Variants in COL24A1 observed in about 807,000 individuals in gnomAD.
COL24A1 encodes collagen type XXIV alpha 1 chain.
In COL24A1, 224 loss-of-function variants were observed where a neutral mutation model predicts 253.9. The observed-to-expected ratio is 0.88, with a 90% CI of 0.79 to 0.99. The LOEUF is 0.99. COL24A1 is among the 50% of genes least tolerant of loss of function. The probability of loss-of-function intolerance (pLI) is 0.00; values close to 1 mark genes in which losing one functional copy is unlikely to be tolerated. For missense variants in COL24A1, 2,131 were observed against 2,068.5 expected, an observed-to-expected ratio of 1.03 and a Z score of -0.59; for synonymous variants, 685 against 673.7, an observed-to-expected ratio of 1.02 and a Z score of -0.26.
chr1:86,083,646 A>T (rs1293468810), intron 7 of COL24A1, among the ~76,000 whole-genome samples: 2 of 152,154 alleles, frequency 1.3e-5, no homozygotes, highest in East Asian at 3.9e-4. Flanking sequence ...TAACAGGTTA[A>T]CTAGTTCTAC....
At chr1:86,009,259 G>A (rs192606882) in intron 19 of COL24A1, among the ~76,000 whole-genome samples, 52 of 152,246 alleles carry the variant, frequency 3.4e-4, no homozygotes, top group African/African-American at 1.2e-3. Flanking sequence ...TGCATGAACA[G>A]ACAACCACTC....
At chr1:86,081,600 C>T (rs771028094) in intron 7 of COL24A1, among the ~76,000 whole-genome samples, 7 of 152,226 alleles carry the variant, frequency 4.6e-5, no homozygotes, top group East Asian at 3.9e-4. Flanking sequence ...AAGGAAGCAA[C>T]GCAACTTTAC....
chr1:86,090,378 A>C (rs1478909566), intron 6 of COL24A1, among the ~76,000 whole-genome samples: 2 of 152,148 alleles, frequency 1.3e-5, no homozygotes, highest in African/African-American at 4.8e-5. Context: ...TACACCATTT[A>C]AAAACGATCT....
In COL24A1 at chr1:85,745,603, T is replaced by C. The variant is rs190294223; in HGVS notation, c.4438-97A>G. On this transcript the variant is annotated intron_variant, in intron 55 of 59. Coordinates refer to ENST00000370571, the MANE Select transcript of COL24A1 (RefSeq NM_152890.7). The stretch of plus-strand genomic sequence containing the variant: ...TTCTGAAAGCACTGCTGTTAAAGTA[T>C]ACCAGACTTATTATCTGAAGGGGTT... The C allele has an allele frequency of 8.4e-5, 68 of 808,066 alleles. No homozygotes were observed. In the East Asian group the frequency reaches 1.9e-3, roughly 22 times the overall value. 50.1% of individuals were successfully genotyped at this position (808,066 alleles called of 1,614,324 possible). A position where few individuals can be genotyped will look rare whatever the true frequency, so the allele number is the denominator to read the frequency against.
Position 85,945,000 on chromosome 1 carries a change from G to GC in COL24A1, c.2562+16248_2562+16249insG, listed in dbSNP as rs1689125102. 1.7e-4 allele frequency among the ~76,000 whole-genome samples: 6 copies of GC among 36,124 alleles called. 1 individual carries two copies. The highest frequency in any genetic ancestry group is 3.1e-4 in the Non-Finnish European group (6 of 19,652). 23.7% of individuals were successfully genotyped at this position (36,124 alleles called of 152,430 possible). A position where few individuals can be genotyped will look rare whatever the true frequency, so the allele number is the denominator to read the frequency against. On this transcript the variant is annotated intron_variant, in intron 24 of 59. Coordinates refer to ENST00000370571, the MANE Select transcript of COL24A1 (RefSeq NM_152890.7). The stretch of plus-strand genomic sequence containing the variant: ...CATTTTCTTAATCCAGTCTATCATT[G>GC]TGTTTTTTTTTTTTTTTTTTTTTTT...
At chr1:85,767,934 G>T (rs1340229561) in intron 53 of COL24A1, among the ~76,000 whole-genome samples, 1 of 152,154 alleles carries the variant, frequency 6.6e-6, no homozygotes, top group Non-Finnish European at 1.5e-5. Context: ...ACCACACAAA[G>T]TTCCCTACTC....
intron 2 of COL24A1, among the ~76,000 whole-genome samples, chr1:86,135,437 T>C (rs1275478666): frequency 2.6e-5 from 4 of 151,906 alleles, no homozygotes; most frequent in African/African-American, 7.2e-5. Flanking sequence ...GATTTTCTTC[T>C]TTAAAAATTC....
intron 4 of COL24A1, among the ~76,000 whole-genome samples, chr1:86,113,054 G>A (rs975141836): frequency 2.0e-5 from 3 of 152,120 alleles, no homozygotes; most frequent in African/African-American, 7.2e-5. Context: ...AATATTACTA[G>A]TGTAGCACTT....
At chr1:86,032,648 T>C (rs1158224263) in intron 13 of COL24A1, among the ~76,000 whole-genome samples, 1 of 152,158 alleles carries the variant, frequency 6.6e-6, no homozygotes, top group African/African-American at 2.4e-5. Context: ...TGAATGTCCT[T>C]CTTTTTTTGC....
At chr1:85,921,297 T>G (rs1381564656) in intron 24 of COL24A1, among the ~76,000 whole-genome samples, 1 of 152,246 alleles carries the variant, frequency 6.6e-6, no homozygotes, top group Admixed American at 6.5e-5. Context: ...GTGCCTGGCT[T>G]GGCAGGTCCC....
In COL24A1 at chr1:85,906,266, T is replaced by TTTTTTTTTTTTTTTTTTC. The variant is rs1420437979; in HGVS notation, c.2778+927_2778+928insGAAAAAAAAAAAAAAAAA. On this transcript the variant is annotated intron_variant, in intron 28 of 59. Coordinates refer to ENST00000370571, the MANE Select transcript of COL24A1 (RefSeq NM_152890.7). Reference sequence around the variant, plus strand: ...TGCCAACTGGAAAACTGCAAGGTCTTTTTTTTTTTTTACCATGGTTAGGTA... The same window carrying TTTTTTTTTTTTTTTTTTC: ...TGCCAACTGGAAAACTGCAAGGTCTTTTTTTTTTTTTTTTTTTCTTTTTTTTTTTACCATGGTTAGGTA... 1.3e-4 allele frequency among the ~76,000 whole-genome samples: 18 copies of TTTTTTTTTTTTTTTTTTC among 143,140 alleles called. 4 individuals carry two copies. The East Asian group carries it at 3.2e-3, about 25-fold the overall frequency. 93.9% of individuals were successfully genotyped at this position (143,140 alleles called of 152,430 possible).
chr1:85,874,217 T>C (rs546056927), intron 35 of COL24A1, among the ~76,000 whole-genome samples: 1 of 152,342 alleles, frequency 6.6e-6, no homozygotes, highest in African/African-American at 2.4e-5. Context: ...TTTACAATTA[T>C]GTCCTTGCAT....
chr1:85,828,145 G>C (rs934501902), intron 43 of COL24A1, among the ~76,000 whole-genome samples: 7 of 152,012 alleles, frequency 4.6e-5, no homozygotes, highest in African/African-American at 9.7e-5. Flanking sequence ...TGGTTTCAAA[G>C]AACATCTTTA....
In COL24A1 at chr1:86,084,865, T is replaced by C. The variant is rs776259238; in HGVS notation, c.1707+4309A>G. Among the ~76,000 whole-genome samples the C allele has an allele frequency of 4.6e-5, 7 of 152,134 alleles. 1 individual carries two copies. The highest frequency in any genetic ancestry group is 1.0e-4 in the Non-Finnish European group (7 of 68,042). On this transcript the variant is annotated intron_variant, in intron 7 of 59. Coordinates refer to ENST00000370571, the MANE Select transcript of COL24A1 (RefSeq NM_152890.7). ...CCTACCATTAGTGGGAATGGCAGATTGCAGAGATGGTAACAGTGGTGGCAG... is the reference window on the plus strand; with the variant it reads ...CCTACCATTAGTGGGAATGGCAGATCGCAGAGATGGTAACAGTGGTGGCAG...
intron 19 of COL24A1, among the ~76,000 whole-genome samples, chr1:86,013,182 G>A (rs898166763): frequency 6.6e-6 from 1 of 152,108 alleles, no homozygotes; most frequent in African/African-American, 2.4e-5. Context: ...CCAAAATTCT[G>A]TAATTTTCAG....
At chr1:85,781,411 A>C (rs2101557444) in intron 51 of COL24A1, 138 bp from the exon 52 acceptor site, 1 of 502,410 alleles carries the variant, frequency 2.0e-6, no homozygotes, top group East Asian at 3.1e-5. Context: ...CAGTATTAGC[A>C]TAAATTACAA....
chr1:86,112,631 C>T lies in COL24A1; in HGVS notation c.1546-11G>A, dbSNP rs202156189. 39 of 1,610,114 alleles carry T rather than the reference C, an allele frequency of 2.4e-5. No homozygotes were observed. The highest frequency in any genetic ancestry group is 1.1e-4 in the African/African-American group (8 of 74,828). ...TGGCCCTGGTATGCCCTGCAAGTAA[C>T]GAAAAAAGTCATCATTCTTGGAACA... is the stretch of plus-strand genomic sequence containing the variant. On this transcript the variant is annotated splice_polypyrimidine_tract_variant and intron_variant, in intron 4 of 59. Coordinates refer to ENST00000370571, the MANE Select transcript of COL24A1 (RefSeq NM_152890.7).
chr1:85,838,177 C>T (rs1456972357), intron 43 of COL24A1, among the ~76,000 whole-genome samples: 1 of 121,112 alleles, frequency 8.3e-6, no homozygotes, highest in African/African-American at 3.5e-5. Context: ...AAATGAGAGA[C>T]AAGATTTTTT....
At position 86,001,952 on chromosome 1, in the gene COL24A1, G is replaced by A. The variant is rs140032067; in HGVS notation, c.2311-14298C>T. 9.7e-4 allele frequency among the ~76,000 whole-genome samples: 148 copies of A among 152,268 alleles called. 1 individual carries two copies. The East Asian group carries it at 0.026, about 27-fold the overall frequency. ...ACAGAGACAGTAGAGGCTTTGACAC[G>A]GAATGATAATTGAATATTGACTTCT... On this transcript the variant is annotated intron_variant, in intron 19 of 59. Coordinates refer to ENST00000370571, the MANE Select transcript of COL24A1 (RefSeq NM_152890.7).
Sources: gnomAD v4.1 joint callset for allele counts (sites outside exome capture counted in the v4.1 genomes callset) on GRCh38, gnomAD v4.1.1 for gene constraint, MANE v1.5 for transcripts, NCBI Gene and HGNC (gene_info 2026-07-23, HGNC 2026-07-21) for gene names.